Variants in MKLN1 observed in about 807,000 individuals in gnomAD.
The protein encoded by MKLN1 is muskelin.
Under a neutral mutation model 99.0 loss-of-function variants are expected in MKLN1, and 18 were observed. The ratio of observed to expected loss-of-function variants is 0.18; its 90% CI spans 0.13 to 0.27. The LOEUF (loss-of-function observed/expected upper bound fraction) is 0.27, where lower values mean the gene tolerates loss of function less well. Among genes scored for constraint, MKLN1 ranks in the 10% least tolerant of loss-of-function variants. The pLI, the probability that MKLN1 is intolerant of heterozygous loss-of-function variation, is 1.00. For synonymous variants in MKLN1, 288 were observed against 293.2 expected (o/e 0.98, Z 0.18); for missense variants, 621 against 875.9 (o/e 0.71, Z 3.67).
chr7:131,118,652 A>C (rs1489436283), intron 1 of MKLN1, among the ~76,000 whole-genome samples: 2 of 152,226 alleles, frequency 1.3e-5, no homozygotes, highest in East Asian at 1.9e-4. Context: ...TGGGCTGTAC[A>C]GGAAGCATCG....
At chr7:131,206,601 C>T (rs1796815372) in intron 3 of MKLN1, among the ~76,000 whole-genome samples, 1 of 150,274 alleles carries the variant, frequency 6.7e-6, no homozygotes, top group Admixed American at 6.7e-5. Context: ...TGTTGCCCGG[C>T]CTGGAGTGCA....
chr7:131,133,819 G>GTTTTTTTTTTTTTTTTTTTTTT lies in MKLN1; in HGVS notation c.-418-9001_-418-9000insTTTTTTTTTTTTTTTTTTTTTT, dbSNP rs1563226557. 7.4e-5 allele frequency among the ~76,000 whole-genome samples: 5 copies of GTTTTTTTTTTTTTTTTTTTTTT among 67,240 alleles called. 1 individual carries two copies. Among genetic ancestry groups the GTTTTTTTTTTTTTTTTTTTTTT allele is most frequent in the African/African-American group, 1.5e-4 (3 of 19,614 alleles). The allele number at this position is 67,240 out of a possible 152,430, so 44.1% of individuals were successfully genotyped here. On this transcript the variant is annotated intron_variant, in intron 1 of 7. Transcript: ENST00000416992. Reference sequence around the variant, plus strand: ...ACTTCTTTTTTTTTTTTTTTAATTTGGTTTTTTTTTTTTTTTTTTTTTTTT... The same window carrying GTTTTTTTTTTTTTTTTTTTTTT: ...ACTTCTTTTTTTTTTTTTTTAATTTGTTTTTTTTTTTTTTTTTTTTTTGTTTTTTTTTTTTTTTTTTTTTTTT...
intron 2 of MKLN1, among the ~76,000 whole-genome samples, chr7:131,184,545 A>G (rs949597887): frequency 8.0e-5 from 12 of 149,408 alleles, no homozygotes; most frequent in African/African-American, 2.7e-4. Context: ...TTTTTTTGAG[A>G]TGGAGTTTCG....
At chr7:131,339,796 T>C (rs1374292985) in intron 1 of MKLN1, among the ~76,000 whole-genome samples, 2 of 152,172 alleles carry the variant, frequency 1.3e-5, no homozygotes, top group African/African-American at 2.4e-5. Context: ...GTTAGGACTT[T>C]TATGGAATCT....
chr7:131,444,713 G>C, intron 11 of MKLN1, among the ~76,000 whole-genome samples: 1 of 145,606 alleles, frequency 6.9e-6, no homozygotes, highest in East Asian at 2.0e-4. Flanking sequence ...CCACACCTGG[G>C]TTTTGAGTAG....
At chr7:131,290,798 C>T (rs998888758) in intron 3 of MKLN1, among the ~76,000 whole-genome samples, 2 of 152,176 alleles carry the variant, frequency 1.3e-5, no homozygotes, top group African/African-American at 4.8e-5. Flanking sequence ...TCCTAATGAA[C>T]ATACTTTGAA....
chr7:131,338,176 G>C (rs1799305113), intron 1 of MKLN1, among the ~76,000 whole-genome samples: 1 of 152,148 alleles, frequency 6.6e-6, no homozygotes. Flanking sequence ...CTTTCTGCTG[G>C]CTTTTTAGCC....
Position 131,184,008 on chromosome 7 carries a change from AAAG to A in MKLN1, c.-296-18841_-296-18839del, listed in dbSNP as rs1286566017. Reference sequence around the variant, plus strand: ...TAGTTATCTAGTTTGCAAACGGAGTAAAGAAGAAGAGTTACTTTTTTTTTTTAA... The same window carrying A: ...TAGTTATCTAGTTTGCAAACGGAGTAAAGAAGAGTTACTTTTTTTTTTTAA... On this transcript the variant is annotated intron_variant, in intron 2 of 7. Coordinates refer to the MKLN1 transcript ENST00000416992. Among the ~76,000 whole-genome samples the A allele has an allele frequency of 1.9e-4, 29 of 152,020 alleles. No homozygotes were observed. In the East Asian group the frequency reaches 4.5e-3, roughly 23 times the overall value.
intron 3 of MKLN1, among the ~76,000 whole-genome samples, chr7:131,250,100 C>T (rs147111567): frequency 1.6e-4 from 24 of 152,180 alleles, no homozygotes; most frequent in East Asian, 1.2e-3. Flanking sequence ...GCAGAGACCA[C>T]GGGGAAGCAG....
chr7:131,191,976 T>C (rs1299625810), intron 2 of MKLN1, among the ~76,000 whole-genome samples: 5 of 147,678 alleles, frequency 3.4e-5, no homozygotes, highest in Admixed American at 2.8e-4. Context: ...TGCCTCGGCC[T>C]CTCAAAGTGC....
chr7:131,247,203 CT>C (rs954518789), intron 3 of MKLN1, among the ~76,000 whole-genome samples: 2 of 147,690 alleles, frequency 1.4e-5, no homozygotes, highest in Non-Finnish European at 1.5e-5. Flanking sequence ...CTACTGAGAG[CT>C]TTTTTTTACC....
chr7:131,164,403 C>T (rs182695696), intron 2 of MKLN1, among the ~76,000 whole-genome samples: 3 of 152,300 alleles, frequency 2.0e-5, no homozygotes, highest in South Asian at 2.1e-4. Context: ...GTGTGTGCTG[C>T]CACACCCGGC....
In MKLN1 at chr7:131,270,511, G is replaced by A. The variant is rs184061361; in HGVS notation, c.-179+67537G>A. Among the ~76,000 whole-genome samples, 542 of 152,306 alleles carry A rather than the reference G, an allele frequency of 3.6e-3. 5 individuals carry two copies. The highest frequency in any genetic ancestry group is 0.012 in the African/African-American group (494 of 41,566). ...ACTGGGATTATAGGCCTGAGCCACC[G>A]TGCCCAGCCTATGGTGGTAACTTTT... On this transcript the variant is annotated intron_variant, in intron 3 of 7. Transcript: ENST00000416992.
chr7:131,206,531 T>TGTA (rs528088875), intron 3 of MKLN1, among the ~76,000 whole-genome samples: 13,628 of 77,664 alleles, frequency 0.18, 686 homozygotes, highest in African/African-American at 0.24. Flanking sequence ...TATGTATGTG[T>TGTA]ATAATTATTA....
intron 2 of MKLN1, among the ~76,000 whole-genome samples, chr7:131,146,456 A>G (rs1795816362): frequency 6.6e-6 from 1 of 152,244 alleles, no homozygotes; most frequent in African/African-American, 2.4e-5. Context: ...CGAGGAGTTT[A>G]TCTCAAAGGG....
chr7:131,288,092 A>G (rs1316022846), intron 3 of MKLN1, among the ~76,000 whole-genome samples: 1 of 152,128 alleles, frequency 6.6e-6, no homozygotes, highest in Non-Finnish European at 1.5e-5. Context: ...TACAAGCCCC[A>G]TGTCCTTCTC....
chr7:131,161,963 G>GTA (rs71168374), intron 2 of MKLN1, among the ~76,000 whole-genome samples: 1,185 of 109,082 alleles, frequency 0.011, 9 homozygotes, highest in Non-Finnish European at 0.014. Flanking sequence ...GTGTGTGTGT[G>GTA]TATATATATA....
At chr7:131,194,274 G>A (rs566497592) in intron 2 of MKLN1, among the ~76,000 whole-genome samples, 1 of 152,104 alleles carries the variant, frequency 6.6e-6, no homozygotes, top group South Asian at 2.1e-4. Flanking sequence ...TGTCCATTAC[G>A]CAATTGCTTC....
At chr7:131,464,236 C>G in intron 13 of MKLN1, 58 bp from the exon 14 acceptor site, 1 of 1,026,724 alleles carries the variant, frequency 9.7e-7, no homozygotes, top group Non-Finnish European at 1.5e-6. Flanking sequence ...TTGCTTGCTA[C>G]AGTTGTATTA....
Sources: allele counts gnomAD v4.1 joint callset (sites outside exome capture counted in the v4.1 genomes callset), GRCh38; gene constraint gnomAD v4.1.1; transcripts MANE v1.5; gene names NCBI Gene and HGNC (gene_info 2026-07-23, HGNC 2026-07-21).